Variants in EML6 observed in about 807,000 individuals in gnomAD.
EML6 encodes echinoderm microtubule-associated protein-like 6.
In EML6, 154 loss-of-function variants were observed where a neutral mutation model predicts 240.1. The observed-to-expected ratio is 0.64, with a 90% CI of 0.56 to 0.73. The LOEUF is 0.73. Among genes scored for constraint, EML6 ranks in the 30% least tolerant of loss-of-function variants. EML6 has a pLI of 0.00. For synonymous variants in EML6, 1,148 were observed against 899.0 expected (o/e 1.28, Z -4.95); for missense variants, 2,964 against 2,474.6 (o/e 1.20, Z -4.20).
intron 24 of EML6, among the ~76,000 whole-genome samples, chr2:54,904,498 G>T (rs1350931116): frequency 1.3e-5 from 2 of 152,160 alleles, no homozygotes; most frequent in Non-Finnish European, 2.9e-5. Context: ...TGACCTTTGA[G>T]GTTGATCTTG....
chr2:54,800,327 T>C (rs1037178718), intron 2 of EML6, among the ~76,000 whole-genome samples: 74 of 152,046 alleles, frequency 4.9e-4, no homozygotes, highest in Admixed American at 4.7e-3. Context: ...GTTAAAGGTA[T>C]CCCCCACTGT....
Position 54,820,481 on chromosome 2 carries a change from TA to T in EML6, c.525+21del. On this transcript the variant is annotated intron_variant, in intron 5 of 41. Transcript: ENST00000356458. ...CATAAAGGTAAAGCTTTTTGTTTTT[TA>T]ATTTTGGTACCTTGAGTGCAAATAA... 1 of 1,460,518 alleles carries T rather than the reference TA, an allele frequency of 6.8e-7. No individual in the cohort carries two copies. 90.5% of individuals were successfully genotyped at this position (1,460,518 alleles called of 1,614,324 possible). A position where few individuals can be genotyped will look rare whatever the true frequency, so the allele number is the denominator to read the frequency against.
At chr2:54,868,545 A>G (rs559316808) in intron 14 of EML6, 1 of 152,220 alleles carries the variant, frequency 6.6e-6, no homozygotes, top group Non-Finnish European at 1.5e-5. Context: ...ATGTTATTCA[A>G]TTCTTCAGAC....
At chr2:54,732,971 CAG>C (rs1318302225) in intron 2 of EML6, among the ~76,000 whole-genome samples, 1 of 152,200 alleles carries the variant, frequency 6.6e-6, no homozygotes, top group Non-Finnish European at 1.5e-5. Context: ...GTATGGAAAG[CAG>C]GGGGAGTTGT....
rs531433117 is a variant in EML6, at chr2:54,839,782, C to G, written c.848-4265C>G. On this transcript the variant is annotated intron_variant, in intron 7 of 41. Transcript: ENST00000356458. Reference sequence around the variant, plus strand: ...CACTCTTCTGAGGAATGCAAGAGCTCCCTGGATATGGTCTGAAAAACACTG... The same window carrying G: ...CACTCTTCTGAGGAATGCAAGAGCTGCCTGGATATGGTCTGAAAAACACTG... Among the ~76,000 whole-genome samples, 8 of 152,290 alleles carry G rather than the reference C, an allele frequency of 5.3e-5. No homozygotes were observed. In the South Asian group the frequency reaches 1.5e-3, roughly 28 times the overall value.
intron 28 of EML6, among the ~76,000 whole-genome samples, chr2:54,932,389 T>A (rs1055591348): frequency 3.9e-5 from 6 of 152,202 alleles, no homozygotes; most frequent in African/African-American, 1.4e-4. Flanking sequence ...CTTTCACTCC[T>A]TATCTGGGCA....
rs530188657 is a variant in EML6, at chr2:54,795,054, TTTTG to T, written c.198-18166_198-18163del. Among the ~76,000 whole-genome samples, 85 of 152,224 alleles carry T rather than the reference TTTTG, an allele frequency of 5.6e-4. 1 individual carries two copies. The highest frequency in any genetic ancestry group is 1.1e-3 in the Non-Finnish European group (72 of 68,044). On this transcript the variant is annotated intron_variant, in intron 2 of 41. Transcript: ENST00000356458. ...TACATAGTACTATTTATTCGTGTTT[TTTTG>T]TTTGTTTGTTTTTCTAGATTGGTTT...
chr2:54,803,511 A>G (rs899979574), intron 2 of EML6, among the ~76,000 whole-genome samples: 6 of 152,112 alleles, frequency 3.9e-5, no homozygotes, highest in African/African-American at 1.2e-4. Flanking sequence ...TGTCACTTCT[A>G]TTTAAGCCTT....
intron 19 of EML6, among the ~76,000 whole-genome samples, chr2:54,894,010 C>T (rs910331849): frequency 2.6e-5 from 4 of 151,990 alleles, no homozygotes; most frequent in Non-Finnish European, 5.9e-5. Flanking sequence ...TGAGAAAAGA[C>T]AAGGATATCA....
chr2:54,765,739 C>G (rs773232741), intron 2 of EML6, among the ~76,000 whole-genome samples: 1 of 152,156 alleles, frequency 6.6e-6, no homozygotes, highest in Non-Finnish European at 1.5e-5. Flanking sequence ...GGATTACAGG[C>G]GTCATGCATT....
chr2:54,848,463 C>T (rs936101772), intron 9 of EML6, among the ~76,000 whole-genome samples: 7 of 150,026 alleles, frequency 4.7e-5, no homozygotes, highest in African/African-American at 9.8e-5. Context: ...TGCTTAGTGA[C>T]GTGTGAAAAG....
chr2:54,838,418 C>T (rs1236671032), intron 7 of EML6, among the ~76,000 whole-genome samples: 1 of 152,236 alleles, frequency 6.6e-6, no homozygotes, highest in Non-Finnish European at 1.5e-5. Flanking sequence ...GATGGAGGAA[C>T]TAACGATATG....
chr2:54,933,018 C>T (rs1490302664), intron 28 of EML6, among the ~76,000 whole-genome samples: 1 of 152,154 alleles, frequency 6.6e-6, no homozygotes, highest in East Asian at 1.9e-4. Flanking sequence ...TAAGAGAACT[C>T]AAATCTTGCT....
chr2:54,898,902 T>C (rs1365728085), intron 21 of EML6, among the ~76,000 whole-genome samples: 4 of 152,190 alleles, frequency 2.6e-5, no homozygotes, highest in Non-Finnish European at 4.4e-5. Context: ...GTGTTCGTTA[T>C]AAAAAAATAC....
chr2:54,962,806 G>C (rs893445638), intron 36 of EML6, 95 bp downstream of exon 36: 1 of 1,045,816 alleles, frequency 9.6e-7, no homozygotes, highest in Admixed American at 3.8e-5. Context: ...TCATGGCAGA[G>C]ACGGGGATGG....
At chr2:54,811,086 C>G (rs762649916) in intron 2 of EML6, among the ~76,000 whole-genome samples, 1 of 152,040 alleles carries the variant, frequency 6.6e-6, no homozygotes, top group Non-Finnish European at 1.5e-5. Context: ...TAGCTCTTGA[C>G]TCTTCTTTAT....
rs192659516 is a variant in EML6, at chr2:54,832,528, G to A, written c.847+3051G>A. Among the ~76,000 whole-genome samples, 361 of 152,308 alleles carry A rather than the reference G, an allele frequency of 2.4e-3. 7 individuals are homozygous for A. The highest frequency in any genetic ancestry group is 2.9e-3 in the Non-Finnish European group (194 of 68,020). ...GTGAGGTAGAAGACCCAACACAAGT[G>A]TAGGAATTAAAATACATAGGATTTG... On this transcript the variant is annotated intron_variant, in intron 7 of 41. Transcript: ENST00000356458.
intron 11 of EML6, among the ~76,000 whole-genome samples, chr2:54,855,960 G>T (rs1250637870): frequency 2.6e-5 from 4 of 152,192 alleles, no homozygotes; most frequent in African/African-American, 4.8e-5. Flanking sequence ...GGCAGGTGCT[G>T]ATGACCATGA....
chr2:54,954,183 C>G, intron 32 of EML6, 27 bp downstream of exon 32: 2 of 1,541,730 alleles, frequency 1.3e-6, no homozygotes, highest in Non-Finnish European at 1.8e-6. Context: ...CTTTCTGTCC[C>G]TCCAGGGTGT....
Sources: allele counts gnomAD v4.1 joint callset (sites outside exome capture counted in the v4.1 genomes callset), GRCh38; gene constraint gnomAD v4.1.1; transcripts MANE v1.5; gene names NCBI Gene and HGNC (gene_info 2026-07-23, HGNC 2026-07-21).